The following COMMD10 variants were observed in gnomAD, a reference collection of about 807,000 sequenced individuals.
COMMD10 encodes COMM domain containing 10.
COMMD10 carries 33 observed loss-of-function variants against 28.9 expected under a neutral mutation model. The observed-to-expected ratio is 1.14, with a 90% CI of 0.87 to 1.53. The LOEUF (loss-of-function observed/expected upper bound fraction) is 1.53. COMMD10 is among the 40% of genes most tolerant of loss of function. The pLI is 0.00. For synonymous variants in COMMD10, 110 were observed against 81.7 expected (o/e 1.35, Z -1.87); for missense variants, 310 against 233.4 (o/e 1.33, Z -2.14).
intron 5 of COMMD10, chr5:116,188,541 G>A (rs1748222011): frequency 6.6e-6 from 1 of 151,884 alleles, no homozygotes; most frequent in African/African-American, 2.4e-5. Flanking sequence ...TGCTACTGAA[G>A]TAAGTGAGCA....
chr5:116,202,491 C>T (rs1395432851), intron 5 of COMMD10, among the ~76,000 whole-genome samples: 2 of 151,398 alleles, frequency 1.3e-5, no homozygotes, highest in African/African-American at 4.8e-5. Context: ...AACTAGTTTA[C>T]AGTCCCACCA....
At chr5:116,229,008 T>G (rs796399432) in intron 5 of COMMD10, among the ~76,000 whole-genome samples, 2 of 152,034 alleles carry the variant, frequency 1.3e-5, no homozygotes, top group Admixed American at 6.6e-5. Flanking sequence ...AATATTTGCC[T>G]ATAGACATTA....
intron 5 of COMMD10, among the ~76,000 whole-genome samples, chr5:116,255,334 T>C (rs972485778): frequency 6.6e-6 from 1 of 151,792 alleles, no homozygotes; most frequent in Non-Finnish European, 1.5e-5. Flanking sequence ...AATTTGATCC[T>C]GTCATTATGA....
At chr5:116,273,918 A>G (rs1338787418) in intron 5 of COMMD10, among the ~76,000 whole-genome samples, 4 of 151,722 alleles carry the variant, frequency 2.6e-5, no homozygotes, top group Non-Finnish European at 5.9e-5. Flanking sequence ...TACTTTTTTT[A>G]AAGTATCTTA....
At chr5:116,263,489 C>A (rs1319430457) in intron 5 of COMMD10, among the ~76,000 whole-genome samples, 1 of 151,738 alleles carries the variant, frequency 6.6e-6, no homozygotes, top group African/African-American at 2.4e-5. Context: ...CCCCTTTCCT[C>A]TTTGTTTTCC....
intron 5 of COMMD10, among the ~76,000 whole-genome samples, chr5:116,282,891 A>G (rs763641514): frequency 1.3e-5 from 2 of 151,906 alleles, no homozygotes; most frequent in Non-Finnish European, 2.9e-5. Flanking sequence ...AATTTTGAGA[A>G]CACAGAATTC....
At chr5:116,266,848 C>A (rs546649942) in intron 5 of COMMD10, among the ~76,000 whole-genome samples, 24 of 151,928 alleles carry the variant, frequency 1.6e-4, no homozygotes, top group Non-Finnish European at 2.9e-4. Flanking sequence ...ACAAAAACGA[C>A]AAGATTATCT....
chr5:116,240,666 GGA>G (rs1175189645), intron 5 of COMMD10, among the ~76,000 whole-genome samples: 1 of 152,102 alleles, frequency 6.6e-6, no homozygotes, highest in Non-Finnish European at 1.5e-5. Context: ...CAAGAAATCA[GGA>G]GAAAGGAATG....
chr5:116,190,171 A>T (rs1185112678), intron 5 of COMMD10, among the ~76,000 whole-genome samples: 2 of 152,186 alleles, frequency 1.3e-5, no homozygotes, highest in Non-Finnish European at 1.5e-5. Flanking sequence ...GAGAAGACCA[A>T]AATATCAGAA....
chr5:116,275,960 A>G (rs970384115), intron 5 of COMMD10, among the ~76,000 whole-genome samples: 3 of 150,422 alleles, frequency 2.0e-5, no homozygotes, highest in East Asian at 2.0e-4. Context: ...AAAAAAATGT[A>G]TATATATATA....
intron 4 of COMMD10, among the ~76,000 whole-genome samples, chr5:116,128,496 T>C (rs907534497): frequency 1.3e-5 from 2 of 151,158 alleles, no homozygotes; most frequent in African/African-American, 4.8e-5. Context: ...GTACACAGGA[T>C]AGTTTTATTT....
chr5:116,253,390 A>T (rs181885), intron 5 of COMMD10, among the ~76,000 whole-genome samples: 117,300 of 137,196 alleles, frequency 0.85, 50,025 homozygotes, highest in Non-Finnish European at 0.88. Flanking sequence ...TCAAAGTGAA[A>T]GCTTCCAGTT....
chr5:116,256,232 T>G (rs1750280441), intron 5 of COMMD10, among the ~76,000 whole-genome samples: 1 of 151,750 alleles, frequency 6.6e-6, no homozygotes, highest in African/African-American at 2.4e-5. Context: ...AAAATGATTT[T>G]GAATCACCGT....
In COMMD10 at chr5:116,143,309, T is replaced by A. The variant is rs569900970; in HGVS notation, c.510+9131T>A. On this transcript the variant is annotated intron_variant, in intron 5 of 6. Coordinates refer to ENST00000274458, the MANE Select transcript of COMMD10 (RefSeq NM_016144.4). ...ACAAAAATACTGTTTCAGATGCTAC[T>A]TACCTTTGAAGAGTGAAAATACACA... Among the ~76,000 whole-genome samples the A allele has an allele frequency of 2.6e-5, 4 of 151,842 alleles. No individual in the cohort carries two copies. In the East Asian group the frequency reaches 5.8e-4, roughly 22 times the overall value.
chr5:116,268,109 T>G (rs904239622), intron 5 of COMMD10, among the ~76,000 whole-genome samples: 1 of 151,800 alleles, frequency 6.6e-6, no homozygotes, highest in Non-Finnish European at 1.5e-5. Flanking sequence ...GGGATCTAAT[T>G]AAACTAAAGA....
intron 5 of COMMD10, among the ~76,000 whole-genome samples, chr5:116,222,626 C>T (rs541875010): frequency 6.6e-6 from 1 of 152,246 alleles, no homozygotes; most frequent in African/African-American, 2.4e-5. Context: ...CTCAGTTTTT[C>T]ATTTTGGCCT....
chr5:116,236,681 G>C (rs897286019), intron 5 of COMMD10, among the ~76,000 whole-genome samples: 1 of 151,980 alleles, frequency 6.6e-6, no homozygotes, highest in African/African-American at 2.4e-5. Flanking sequence ...TCAGGGGTTG[G>C]GGGTGGGAGA....
At chr5:116,153,798 C>T (rs922372307) in intron 5 of COMMD10, among the ~76,000 whole-genome samples, 2 of 152,030 alleles carry the variant, frequency 1.3e-5, no homozygotes, top group Non-Finnish European at 2.9e-5. Flanking sequence ...TTTTGATAGC[C>T]ATGAAACCCT....
intron 5 of COMMD10, among the ~76,000 whole-genome samples, chr5:116,153,440 G>A (rs1752602411): frequency 6.6e-6 from 1 of 151,990 alleles, no homozygotes; most frequent in Non-Finnish European, 1.5e-5. Flanking sequence ...GGATGGGTGG[G>A]GCTGATCTAA....
Sources: allele counts gnomAD v4.1 joint callset (sites outside exome capture counted in the v4.1 genomes callset), GRCh38; gene constraint gnomAD v4.1.1; transcripts MANE v1.5; gene names NCBI Gene and HGNC (gene_info 2026-07-23, HGNC 2026-07-21).